The following ARIH1 variants were observed in gnomAD, a reference collection of about 807,000 sequenced individuals.
ARIH1 encodes ariadne RBR E3 ubiquitin protein ligase 1, also known as E3 ubiquitin-protein ligase ARIH1.
In ARIH1, 8 loss-of-function variants were observed where a neutral mutation model predicts 85.0. That is an observed-to-expected ratio of 0.09 (90% CI 0.06 to 0.17). The LOEUF (loss-of-function observed/expected upper bound fraction) is 0.17. ARIH1 is among the 10% of genes least tolerant of loss of function. The probability of loss-of-function intolerance (pLI) is 1.00; values close to 1 mark genes in which losing one functional copy is unlikely to be tolerated. For missense variants in ARIH1, 311 were observed against 718.1 expected (o/e 0.43, Z 6.48); for synonymous variants, 238 against 253.6 (o/e 0.94, Z 0.59).
At chr15:72,507,267 G>A (rs761878382) in intron 1 of ARIH1, among the ~76,000 whole-genome samples, 55 of 152,138 alleles carry the variant, frequency 3.6e-4, no homozygotes, top group Non-Finnish European at 7.4e-4. Flanking sequence ...CAAGTGATCC[G>A]CCTGCCTTGG....
chr15:72,545,919 A>AG (rs2064126909), intron 3 of ARIH1, among the ~76,000 whole-genome samples: 1 of 152,182 alleles, frequency 6.6e-6, no homozygotes, highest in African/African-American at 2.4e-5. Flanking sequence ...TAAGATGTCT[A>AG]AGATAACTTA....
intron 1 of ARIH1, among the ~76,000 whole-genome samples, chr15:72,508,440 G>A (rs1392241732): frequency 2.0e-5 from 3 of 152,134 alleles, no homozygotes; most frequent in African/African-American, 7.2e-5. Context: ...AGGGAGTGGT[G>A]CTATAATCAT....
intron 2 of ARIH1, among the ~76,000 whole-genome samples, chr15:72,531,574 C>T (rs1213274166): frequency 6.6e-6 from 1 of 151,998 alleles, no homozygotes; most frequent in East Asian, 1.9e-4. Flanking sequence ...GACCAGAAAT[C>T]CACATTTAAA....
At chr15:72,499,259 G>A (rs975377702) in intron 1 of ARIH1, among the ~76,000 whole-genome samples, 1 of 151,586 alleles carries the variant, frequency 6.6e-6, no homozygotes, top group African/African-American at 2.4e-5. Context: ...GAGCCACTGA[G>A]CCCAGCCAGT....
chr15:72,569,194 A>G (rs2064233262), intron 9 of ARIH1, among the ~76,000 whole-genome samples: 1 of 152,072 alleles, frequency 6.6e-6, no homozygotes, highest in Admixed American at 6.6e-5. Flanking sequence ...CTGTAGTCCC[A>G]CTACTTGGGA....
intron 9 of ARIH1, among the ~76,000 whole-genome samples, chr15:72,567,522 G>T (rs189258057): frequency 7.2e-5 from 11 of 152,278 alleles, no homozygotes; most frequent in Admixed American, 3.3e-4. Flanking sequence ...AGTTTACTCC[G>T]CCTAGCTTGG....
In ARIH1 at chr15:72,507,117, G is replaced by A. The variant is rs533991578; in HGVS notation, c.376-10950G>A. Among the ~76,000 whole-genome samples the A allele has an allele frequency of 9.7e-4, 147 of 152,042 alleles. 2 individuals are homozygous for A. Among genetic ancestry groups the A allele is most frequent in the Non-Finnish European group, 1.9e-3 (127 of 68,022 alleles). The stretch of plus-strand genomic sequence containing the variant: ...AGCTCACCGCAACCTCTGCCTCCTG[G>A]GTTCAAGTGTTTCTCTTGCCTCAGC... On this transcript the variant is annotated intron_variant, in intron 1 of 13. Transcript: ENST00000379887.
chr15:72,531,759 A>C (rs889570828), intron 2 of ARIH1, among the ~76,000 whole-genome samples: 5 of 152,238 alleles, frequency 3.3e-5, no homozygotes, highest in Non-Finnish European at 7.3e-5. Flanking sequence ...GAAAGAAAAT[A>C]AACCTTACCT....
intron 11 of ARIH1, among the ~76,000 whole-genome samples, chr15:72,576,845 T>C (rs2064273662): frequency 6.6e-6 from 1 of 152,110 alleles, no homozygotes; most frequent in Non-Finnish European, 1.5e-5. Context: ...ACCTCCGCAA[T>C]GGAAAATCCA....
intron 1 of ARIH1, among the ~76,000 whole-genome samples, chr15:72,503,991 G>A (rs1352759203): frequency 6.6e-6 from 1 of 152,214 alleles, no homozygotes; most frequent in African/African-American, 2.4e-5. Context: ...TAGGCTCCTT[G>A]CCTTGTTGCG....
Position 72,594,188 on chromosome 15 carries a change from A to G in ARIH1, c.*10896A>G, listed in dbSNP as rs1394680550. 7.5e-6 allele frequency: 1 copy of G among 132,628 alleles called. No individual in the cohort carries two copies. The highest frequency in any genetic ancestry group is 2.1e-4 in the East Asian group (1 of 4,710). The allele number at this position is 132,628 out of a possible 1,614,324, so 8.2% of individuals were successfully genotyped here. On this transcript the variant is annotated 3_prime_UTR_variant, in exon 14 of 14. Coordinates refer to ENST00000379887, the MANE Select transcript of ARIH1 (RefSeq NM_005744.5). Reference sequence around the variant, plus strand: ...TTCTTTTTTTCTTTTTTTTTTTTTGAGACGGAGTTTTGCTCTTGTTGGCTA... The same window carrying G: ...TTCTTTTTTTCTTTTTTTTTTTTTGGGACGGAGTTTTGCTCTTGTTGGCTA...
At chr15:72,567,419 G>GA (rs1044248278) in intron 9 of ARIH1, among the ~76,000 whole-genome samples, 6 of 151,650 alleles carry the variant, frequency 4.0e-5, no homozygotes, top group African/African-American at 7.3e-5. Context: ...TCTTCTACTG[G>GA]AAAAAAAATT....
At chr15:72,575,432 C>G (rs903874431) in intron 11 of ARIH1, among the ~76,000 whole-genome samples, 1 of 151,224 alleles carries the variant, frequency 6.6e-6, no homozygotes, top group Admixed American at 6.6e-5. Context: ...TAAAAATTAG[C>G]CAGGTATGGT....
intron 1 of ARIH1, among the ~76,000 whole-genome samples, chr15:72,487,633 C>G (rs1348884598): frequency 6.6e-6 from 1 of 150,594 alleles, no homozygotes; most frequent in Admixed American, 6.6e-5. Context: ...TTTTTTCCTT[C>G]ATTTTCCACA....
intron 5 of ARIH1, among the ~76,000 whole-genome samples, chr15:72,556,899 CT>C (rs1595869273): frequency 6.6e-6 from 1 of 152,134 alleles, no homozygotes; most frequent in East Asian, 1.9e-4. Context: ...ATTGTGCTCA[CT>C]TTTTTTTATG....
At position 72,600,079 on chromosome 15, in the gene ARIH1, C is replaced by G. The variant is rs1464906441; in HGVS notation, c.*16787C>G. 6.6e-6 allele frequency: 1 copy of G among 152,274 alleles called. No individual in the cohort carries two copies. The highest frequency in any genetic ancestry group is 6.5e-5 in the Admixed American group (1 of 15,304). 9.4% of individuals were successfully genotyped at this position (152,274 alleles called of 1,614,324 possible). On this transcript the variant is annotated 3_prime_UTR_variant, in exon 14 of 14. Transcript: ENST00000379887. Reference sequence around the variant, plus strand: ...GCAGGTGGCATCAGAACAAAGCTGGCTATGGACCTTGTCAGTACAAATGAT... The same window carrying G: ...GCAGGTGGCATCAGAACAAAGCTGGGTATGGACCTTGTCAGTACAAATGAT...
chr15:72,549,037 G>GC (rs775347316), intron 3 of ARIH1, among the ~76,000 whole-genome samples: 19 of 151,472 alleles, frequency 1.3e-4, no homozygotes, highest in Non-Finnish European at 2.1e-4. Context: ...AGCTGTACTG[G>GC]CCCACCACTG....
intron 2 of ARIH1, among the ~76,000 whole-genome samples, chr15:72,542,834 A>G (rs897952253): frequency 6.6e-6 from 1 of 152,122 alleles, no homozygotes; most frequent in Non-Finnish European, 1.5e-5. Flanking sequence ...ATATTTTTAT[A>G]AAACAAGGTG....
chr15:72,536,689 G>A (rs940840858), intron 2 of ARIH1, among the ~76,000 whole-genome samples: 5 of 152,136 alleles, frequency 3.3e-5, no homozygotes, highest in Admixed American at 3.3e-4. Flanking sequence ...CTTAACATCT[G>A]TTTCACTGTG....
Sources: gnomAD v4.1 joint callset for allele counts (sites outside exome capture counted in the v4.1 genomes callset) on GRCh38, gnomAD v4.1.1 for gene constraint, MANE v1.5 for transcripts, NCBI Gene and HGNC (gene_info 2026-07-23, HGNC 2026-07-21) for gene names.